The following SIK3 variants were observed in gnomAD, a reference collection of about 807,000 sequenced individuals.
The protein encoded by SIK3 is SIK family kinase 3.
A neutral mutation model predicts 144.2 loss-of-function variants in SIK3; 28 were observed. The observed-to-expected ratio is 0.19, with a 90% CI of 0.14 to 0.27. SIK3 has a LOEUF of 0.27. SIK3 is among the 10% of genes least tolerant of loss of function. The probability of loss-of-function intolerance (pLI) is 1.00; values close to 1 mark genes in which losing one functional copy is unlikely to be tolerated. For synonymous variants in SIK3, 686 were observed against 676.3 expected (o/e 1.01, Z -0.22); for missense variants, 1,319 against 1,776.0 (o/e 0.74, Z 4.62).
At position 116,847,590 on chromosome 11, in the gene SIK3, G is replaced by C. The variant is rs954224485; in HGVS notation, c.3838C>G (p.Pro1280Ala). 6.2e-7 allele frequency: 1 copy of C among 1,614,054 alleles called. No individual in the cohort carries two copies. Residue 1280 changes from proline to alanine, a missense_variant, in exon 23 of 25, where the codon CCA becomes GCA. Transcript: ENST00000445177. Reference sequence around the variant, plus strand: ...TTCCCAGCCACGAGACTCATTCCTGGCAAGTTATCCAGCTGTACCTGCAGA... The same window carrying C: ...TTCCCAGCCACGAGACTCATTCCTGCCAAGTTATCCAGCTGTACCTGCAGA... ...DDAYVQLDNL[P>A]GMSLVAGKAL...
intron 1 of SIK3, among the ~76,000 whole-genome samples, chr11:116,982,655 C>T (rs949153976): frequency 1.3e-5 from 2 of 150,920 alleles, no homozygotes; most frequent in Non-Finnish European, 2.9e-5. Flanking sequence ...ACATTTTTAC[C>T]TTTCCTAGCC....
chr11:117,018,098 G>A (rs1305270861), intron 1 of SIK3, among the ~76,000 whole-genome samples: 1 of 152,094 alleles, frequency 6.6e-6, no homozygotes, highest in Admixed American at 6.6e-5. Flanking sequence ...TGAAAATTGA[G>A]TAACAGCTTG....
At chr11:116,968,691 C>G (rs1949652481) in intron 1 of SIK3, among the ~76,000 whole-genome samples, 1 of 152,090 alleles carries the variant, frequency 6.6e-6, no homozygotes, top group South Asian at 2.1e-4. Flanking sequence ...TCTGATGGTC[C>G]TAAATTTGCA....
At chr11:116,967,510 G>A (rs1430763849) in intron 1 of SIK3, among the ~76,000 whole-genome samples, 1 of 152,190 alleles carries the variant, frequency 6.6e-6, no homozygotes, top group Non-Finnish European at 1.5e-5. Flanking sequence ...TAATAACACA[G>A]TCTGCGTGAA....
At chr11:117,018,777 T>C (rs1951643038) in intron 1 of SIK3, among the ~76,000 whole-genome samples, 1 of 151,974 alleles carries the variant, frequency 6.6e-6, no homozygotes, top group Non-Finnish European at 1.5e-5. Context: ...CAGTAGTGCA[T>C]CTCAACTCAC....
intron 1 of SIK3, among the ~76,000 whole-genome samples, chr11:117,010,903 G>A (rs965243326): frequency 3.9e-5 from 6 of 152,126 alleles, no homozygotes; most frequent in African/African-American, 1.2e-4. Flanking sequence ...CTGGGTCACT[G>A]GAGCTCTGAA....
intron 3 of SIK3, among the ~76,000 whole-genome samples, chr11:116,935,186 T>C (rs558863304): frequency 6.2e-4 from 94 of 152,238 alleles, no homozygotes; most frequent in African/African-American, 1.9e-3. Flanking sequence ...AGTTCGAGGC[T>C]GCAGTGAGCT....
chr11:116,898,483 T>C (rs1291844710), intron 4 of SIK3, among the ~76,000 whole-genome samples: 1 of 152,050 alleles, frequency 6.6e-6, no homozygotes. Flanking sequence ...CCTTTGGGTA[T>C]ATACCCAGTA....
chr11:116,932,020 C>G (rs1419859882), intron 3 of SIK3, among the ~76,000 whole-genome samples: 2 of 152,166 alleles, frequency 1.3e-5, no homozygotes, highest in African/African-American at 2.4e-5. Context: ...CTCCATTGAC[C>G]AGGCCAAAAA....
chr11:116,924,295 C>CAAAA (rs34356087), intron 4 of SIK3, among the ~76,000 whole-genome samples: 4 of 105,382 alleles, frequency 3.8e-5, no homozygotes, highest in African/African-American at 1.4e-4. Context: ...GACTCCATCT[C>CAAAA]AAAAAAAAAA....
At chr11:117,093,040 C>T (rs1035254401) in intron 1 of SIK3, among the ~76,000 whole-genome samples, 1 of 152,202 alleles carries the variant, frequency 6.6e-6, no homozygotes, top group Non-Finnish European at 1.5e-5. Context: ...ATTTCAAAAA[C>T]GTTTAGCAAC....
chr11:116,895,337 A>G (rs1314968902), intron 6 of SIK3, among the ~76,000 whole-genome samples: 2 of 152,218 alleles, frequency 1.3e-5, no homozygotes, highest in Admixed American at 6.5e-5. Flanking sequence ...CCCTTTCTCC[A>G]TGAAGGGGTT....
At chr11:117,016,560 T>A (rs1006658408) in intron 1 of SIK3, among the ~76,000 whole-genome samples, 1 of 152,046 alleles carries the variant, frequency 6.6e-6, no homozygotes, top group Non-Finnish European at 1.5e-5. Context: ...ATGACTGTAA[T>A]CCCAGCTAAT....
chr11:116,909,068 T>C (rs554607081), intron 4 of SIK3, among the ~76,000 whole-genome samples: 1 of 152,292 alleles, frequency 6.6e-6, no homozygotes, highest in African/African-American at 2.4e-5. Context: ...ATTCATATCA[T>C]GGAATACTAT....
intron 1 of SIK3, among the ~76,000 whole-genome samples, chr11:116,958,280 G>T (rs1467679181): frequency 6.6e-6 from 1 of 152,220 alleles, no homozygotes; most frequent in African/African-American, 2.4e-5. Context: ...ATACGTGGCA[G>T]ATTATTCAGA....
intron 4 of SIK3, among the ~76,000 whole-genome samples, chr11:116,910,668 T>C (rs1263543011): frequency 6.6e-6 from 1 of 152,168 alleles, no homozygotes; most frequent in African/African-American, 2.4e-5. Flanking sequence ...CTAGCTGGAT[T>C]CCAGAAGACA....
Position 116,897,232 on chromosome 11 carries a change from A to G in SIK3, c.702T>C (p.Phe234=), listed in dbSNP as rs1945458336. ...TGGGCCCATCATATTCTTTTCCTTC[A>G]AAGAGTTCAGGTGCAGCATAGGGAG... ...GSPPYAAPEL[F]EGKEYDGPKV... The change falls in exon 5 of 25, where the codon TTT becomes TTC. Residue 234 remains phenylalanine, a synonymous_variant. Coordinates refer to ENST00000445177, the MANE Select transcript of SIK3 (RefSeq NM_001366686.3). 6.2e-7 allele frequency: 1 copy of G among 1,614,066 alleles called. No individual in the cohort carries two copies. The highest frequency in any genetic ancestry group is 8.5e-7 in the Non-Finnish European group (1 of 1,179,976).
At chr11:116,996,406 TAA>T (rs1282036679) in intron 1 of SIK3, among the ~76,000 whole-genome samples, 8 of 151,916 alleles carry the variant, frequency 5.3e-5, no homozygotes, top group Non-Finnish European at 1.5e-5. Context: ...AGGGTGAAAA[TAA>T]AAAAATATTA....
At chr11:116,901,555 G>T (rs1299233241) in intron 4 of SIK3, among the ~76,000 whole-genome samples, 1 of 152,180 alleles carries the variant, frequency 6.6e-6, no homozygotes, top group African/African-American at 2.4e-5. Context: ...TACTTCTTCT[G>T]TGAAGTCCTC....
Sources: allele counts gnomAD v4.1 joint callset (sites outside exome capture counted in the v4.1 genomes callset), GRCh38; gene constraint gnomAD v4.1.1; transcripts MANE v1.5; gene names NCBI Gene and HGNC (gene_info 2026-07-23, HGNC 2026-07-21).